TVP23B: variants seen among roughly 807,000 people sequenced by gnomAD.
TVP23B encodes Golgi apparatus membrane protein TVP23 homolog B.
A neutral mutation model predicts 30.6 loss-of-function variants in TVP23B; 10 were observed. The ratio of observed to expected loss-of-function variants is 0.33; its 90% CI spans 0.20 to 0.55. The LOEUF is 0.55. Among genes scored for constraint, TVP23B ranks in the 20% least tolerant of loss-of-function variants. The pLI, the probability that TVP23B is intolerant of heterozygous loss-of-function variation, is 0.91. For missense variants in TVP23B, 153 were observed against 243.2 expected, an observed-to-expected ratio of 0.63 and a Z score of 2.47; for synonymous variants, 67 against 83.1, an observed-to-expected ratio of 0.81 and a Z score of 1.06.
chr17:18,788,511 G>A (rs1304096338), intron 1 of TVP23B, among the ~76,000 whole-genome samples: 2 of 152,188 alleles, frequency 1.3e-5, no homozygotes, highest in Non-Finnish European at 2.9e-5. Context: ...GCCGGGCGTG[G>A]TGGCTCATGC....
At chr17:18,784,749 G>T (rs1351825618) in intron 1 of TVP23B, among the ~76,000 whole-genome samples, 1 of 152,216 alleles carries the variant, frequency 6.6e-6, no homozygotes, top group Non-Finnish European at 1.5e-5. Flanking sequence ...GAGGCACTTT[G>T]TTTGGTTTCC....
chr17:18,806,649 A>G lies in TVP23B; in HGVS notation c.*1082A>G, dbSNP rs2036255426. ...ATTTGTTTAATTGAATAAGTGTCTTATTGGAGTGATAGCTTTGAAGGTGCA... is the reference window on the plus strand; with the variant it reads ...ATTTGTTTAATTGAATAAGTGTCTTGTTGGAGTGATAGCTTTGAAGGTGCA... On this transcript the variant is annotated 3_prime_UTR_variant, in exon 7 of 7. Coordinates refer to ENST00000307767, the MANE Select transcript of TVP23B (RefSeq NM_016078.6). 6.1e-6 allele frequency: 1 copy of G among 165,026 alleles called. No individual in the cohort carries two copies. Among genetic ancestry groups the G allele is most frequent in the African/African-American group, 2.4e-5 (1 of 41,292 alleles). 10.2% of individuals were successfully genotyped at this position (165,026 alleles called of 1,614,324 possible). A position where few individuals can be genotyped will look rare whatever the true frequency, so the allele number is the denominator to read the frequency against.
intron 3 of TVP23B, among the ~76,000 whole-genome samples, chr17:18,793,687 A>G (rs1167146407): frequency 6.6e-6 from 1 of 152,018 alleles, no homozygotes; most frequent in African/African-American, 2.4e-5. Flanking sequence ...AGCAAGTAAA[A>G]CAGTTCATAG....
At chr17:18,805,517 G>GCT in intron 6 of TVP23B, 24 bp from the exon 7 acceptor site, 1 of 1,491,600 alleles carries the variant, frequency 6.7e-7, no homozygotes, top group East Asian at 2.4e-5. Flanking sequence ...ATGTTAAGGA[G>GCT]TTTTTTTTTT....
At chr17:18,803,415 C>T (rs1302801417) in intron 5 of TVP23B, among the ~76,000 whole-genome samples, 1 of 152,216 alleles carries the variant, frequency 6.6e-6, no homozygotes, top group Admixed American at 6.5e-5. Flanking sequence ...GTATTAGAGT[C>T]TTTAACCTTG....
At chr17:18,799,461 C>T (rs1169151900) in intron 5 of TVP23B, among the ~76,000 whole-genome samples, 5 of 152,124 alleles carry the variant, frequency 3.3e-5, no homozygotes, top group Admixed American at 6.5e-5. Context: ...GGTGGTGGGA[C>T]TGCTTACGTG....
At chr17:18,797,981 C>T (rs1392444613) in intron 4 of TVP23B, among the ~76,000 whole-genome samples, 1 of 150,802 alleles carries the variant, frequency 6.6e-6, no homozygotes, top group Non-Finnish European at 1.5e-5. Context: ...TCCATAAATC[C>T]CTCTATGCTC....
chr17:18,785,353 A>G (rs2035886446), intron 1 of TVP23B, among the ~76,000 whole-genome samples: 1 of 150,976 alleles, frequency 6.6e-6, no homozygotes, highest in African/African-American at 2.4e-5. Context: ...CCATCTTAGT[A>G]AATGTAACTC....
chr17:18,787,345 G>T (rs1158949593), intron 1 of TVP23B, among the ~76,000 whole-genome samples: 1 of 145,410 alleles, frequency 6.9e-6, no homozygotes, highest in East Asian at 2.1e-4. Flanking sequence ...GGAGGTTGCA[G>T]TAAGCTGAGA....
intron 2 of TVP23B, 44 bp from the exon 3 acceptor site, chr17:18,790,852 A>T: frequency 4.5e-6 from 7 of 1,563,338 alleles, no homozygotes; most frequent in Non-Finnish European, 6.1e-6. Flanking sequence ...TAGTACCTGT[A>T]GTAAAATGTA....
At chr17:18,804,885 G>C (rs554886248) in intron 6 of TVP23B, among the ~76,000 whole-genome samples, 2 of 152,106 alleles carry the variant, frequency 1.3e-5, no homozygotes, top group African/African-American at 4.8e-5. Flanking sequence ...ACCGTGCCCA[G>C]CCTGTATGTT....
Position 18,806,263 on chromosome 17 carries a change from G to A in TVP23B, c.*696G>A, listed in dbSNP as rs2036249384. On this transcript the variant is annotated 3_prime_UTR_variant, in exon 7 of 7. Transcript: ENST00000307767. ...TGCTGTTCTATTTATTTTACAGAAA[G>A]GATAGCTAGATTGAAAGCTCTTCAG... The A allele has an allele frequency of 1.0e-6, 1 of 970,280 alleles. No homozygotes were observed. The highest frequency in any genetic ancestry group is 1.2e-6 in the Non-Finnish European group (1 of 816,218). The allele number at this position is 970,280 out of a possible 1,614,324, so 60.1% of individuals were successfully genotyped here. A position where few individuals can be genotyped will look rare whatever the true frequency, so the allele number is the denominator to read the frequency against.
At chr17:18,782,111 G>C (rs1272658210) in intron 1 of TVP23B, 1 of 152,108 alleles carries the variant, frequency 6.6e-6, no homozygotes, top group Non-Finnish European at 1.5e-5. Flanking sequence ...TAAGATTTAT[G>C]GTCAGGAAAG....
At chr17:18,800,022 A>G (rs1359344477) in intron 5 of TVP23B, among the ~76,000 whole-genome samples, 1 of 152,122 alleles carries the variant, frequency 6.6e-6, no homozygotes, top group African/African-American at 2.4e-5. Context: ...TGAATTAGGA[A>G]ATTTATTCAG....
chr17:18,792,372 T>G (rs2151846946), intron 3 of TVP23B, among the ~76,000 whole-genome samples: 1 of 152,342 alleles, frequency 6.6e-6, no homozygotes. Context: ...AGTGGTTGGC[T>G]TGGTGATGGC....
chr17:18,790,449 G>GTT (rs2035973221), intron 2 of TVP23B, among the ~76,000 whole-genome samples: 1 of 134,336 alleles, frequency 7.4e-6, no homozygotes, highest in South Asian at 2.3e-4. Flanking sequence ...GGGCGACGGA[G>GTT]CGAGACTCCG....
In TVP23B at chr17:18,786,355, G is replaced by A. The variant is rs1180380648; in HGVS notation, c.13-2998G>A. On this transcript the variant is annotated intron_variant, in intron 1 of 6. Coordinates refer to ENST00000307767, the MANE Select transcript of TVP23B (RefSeq NM_016078.6). Reference sequence around the variant, plus strand: ...TACCACAGTTAATGAAGAGTGAGTGGCCTGAGATAAGGTCTTAGAGATTGG... The same window carrying A: ...TACCACAGTTAATGAAGAGTGAGTGACCTGAGATAAGGTCTTAGAGATTGG... 2.6e-5 allele frequency among the ~76,000 whole-genome samples: 4 copies of A among 151,264 alleles called. No individual in the cohort carries two copies. The East Asian group carries it at 5.9e-4, about 22-fold the overall frequency.
At chr17:18,785,127 T>G (rs552066584) in intron 1 of TVP23B, among the ~76,000 whole-genome samples, 5 of 151,992 alleles carry the variant, frequency 3.3e-5, no homozygotes, top group East Asian at 1.9e-4. Flanking sequence ...TGTCCCTCCT[T>G]CTTCTCCCCT....
intron 1 of TVP23B, among the ~76,000 whole-genome samples, chr17:18,783,161 A>C (rs2035836631): frequency 6.6e-6 from 1 of 150,830 alleles, no homozygotes; most frequent in African/African-American, 2.4e-5. Context: ...GCTGGAGTAC[A>C]ATGGTGTGAT....
Sources: gnomAD v4.1 joint callset for allele counts (sites outside exome capture counted in the v4.1 genomes callset) on GRCh38, gnomAD v4.1.1 for gene constraint, MANE v1.5 for transcripts, NCBI Gene and HGNC (gene_info 2026-07-23, HGNC 2026-07-21) for gene names.